Variants in NALCN observed in about 807,000 individuals in gnomAD.
NALCN encodes sodium leak channel, non-selective.
In NALCN, 111 loss-of-function variants were observed where a neutral mutation model predicts 225.3. The observed-to-expected ratio is 0.49, with a 90% CI of 0.42 to 0.58. NALCN has a LOEUF of 0.58. Ranked by LOEUF, NALCN falls within the 20% of genes least tolerant of loss-of-function variation. The pLI, the probability that NALCN is intolerant of heterozygous loss-of-function variation, is 0.00. For synonymous variants in NALCN, 764 were observed against 769.0 expected (o/e 0.99, Z 0.11); for missense variants, 1,378 against 2,202.4 (o/e 0.63, Z 7.49).
intron 7 of NALCN, among the ~76,000 whole-genome samples, chr13:101,331,708 C>T (rs894305564): frequency 2.6e-5 from 4 of 152,240 alleles, no homozygotes; most frequent in Middle Eastern, 3.4e-3. Context: ...CCCAGGCATC[C>T]GGGGATGCCT....
At chr13:101,163,155 G>A (rs4771387) in intron 15 of NALCN, among the ~76,000 whole-genome samples, 11,159 of 152,042 alleles carry the variant, frequency 0.073, 499 homozygotes, top group East Asian at 0.19. Context: ...CACCTGCCTC[G>A]GCTTCCCAAA....
chr13:101,333,096 A>T (rs1407986311), intron 7 of NALCN, among the ~76,000 whole-genome samples: 1 of 152,220 alleles, frequency 6.6e-6, no homozygotes, highest in Non-Finnish European at 1.5e-5. Flanking sequence ...ATTATTTATG[A>T]GTACATCTCA....
chr13:101,398,909 T>A lies in NALCN; in HGVS notation c.108+110A>T. 7.5e-6 allele frequency: 5 copies of A among 668,568 alleles called. 1 individual carries two copies. In the South Asian group the frequency reaches 8.6e-5, roughly 11 times the overall value. The allele number at this position is 668,568 out of a possible 1,614,324, so 41.4% of individuals were successfully genotyped here. ...TCCAGACTCTGAACCTCATCCATAT[T>A]CTACTGCAGCTCAGATATTTCGAAG... On this transcript the variant is annotated intron_variant, in intron 2 of 43. Transcript: ENST00000251127.
intron 7 of NALCN, among the ~76,000 whole-genome samples, chr13:101,307,489 G>A (rs1162453141): frequency 6.6e-6 from 1 of 152,200 alleles, no homozygotes; most frequent in Non-Finnish European, 1.5e-5. Flanking sequence ...CAGAGTGGAT[G>A]TCTGGAGCGG....
intron 6 of NALCN, among the ~76,000 whole-genome samples, chr13:101,348,170 C>CA (rs1234946078): frequency 3.3e-5 from 5 of 151,866 alleles, no homozygotes; most frequent in African/African-American, 1.2e-4. Flanking sequence ...AAAAAGTTTC[C>CA]AAAAAAATCA....
chr13:101,120,606 C>T (rs1174220943), intron 18 of NALCN, among the ~76,000 whole-genome samples: 1 of 151,366 alleles, frequency 6.6e-6, no homozygotes, highest in Non-Finnish European at 1.5e-5. Flanking sequence ...CTGAAAGGCA[C>T]AAAAGAAAAA....
At chr13:101,061,239 G>C (rs1426646773) in intron 41 of NALCN, among the ~76,000 whole-genome samples, 2 of 152,124 alleles carry the variant, frequency 1.3e-5, no homozygotes, top group Non-Finnish European at 2.9e-5. Context: ...TTGAGAGGTG[G>C]TCTTTTCAGA....
intron 34 of NALCN, among the ~76,000 whole-genome samples, chr13:101,080,199 G>A (rs919284328): frequency 4.6e-5 from 7 of 152,126 alleles, no homozygotes; most frequent in Non-Finnish European, 5.9e-5. Flanking sequence ...GTCAAGGCTG[G>A]AAAATGGTGG....
chr13:101,188,986 C>T (rs889140927), intron 14 of NALCN, among the ~76,000 whole-genome samples: 4 of 152,076 alleles, frequency 2.6e-5, no homozygotes, highest in Non-Finnish European at 5.9e-5. Context: ...CCGTGCTGGC[C>T]ATAAATACTA....
intron 10 of NALCN, among the ~76,000 whole-genome samples, chr13:101,268,175 T>A (rs574995388): frequency 1.3e-5 from 2 of 152,312 alleles, no homozygotes; most frequent in Admixed American, 1.3e-4. Context: ...GTATGACATG[T>A]ATGTATGTAT....
intron 1 of NALCN, among the ~76,000 whole-genome samples, chr13:101,401,500 A>G (rs767327181): frequency 6.6e-6 from 1 of 152,208 alleles, no homozygotes; most frequent in Non-Finnish European, 1.5e-5. Context: ...ATCTGTCCAC[A>G]ATTCCTCTTT....
At chr13:101,386,673 TTG>T (rs2046995131) in intron 3 of NALCN, among the ~76,000 whole-genome samples, 1 of 152,126 alleles carries the variant, frequency 6.6e-6, no homozygotes, top group African/African-American at 2.4e-5. Context: ...AGCCACAGCT[TTG>T]ACACGTTTGT....
intron 13 of NALCN, among the ~76,000 whole-genome samples, chr13:101,221,839 C>T (rs544826919): frequency 3.3e-5 from 5 of 152,258 alleles, no homozygotes; most frequent in Middle Eastern, 3.4e-3. Flanking sequence ...TTTCCTAAAA[C>T]GAAAAGGGAC....
At chr13:101,245,637 C>T (rs922708601) in intron 11 of NALCN, among the ~76,000 whole-genome samples, 1 of 152,068 alleles carries the variant, frequency 6.6e-6, no homozygotes, top group African/African-American at 2.4e-5. Context: ...CATGCTCAAC[C>T]GATATACCTG....
Position 101,055,284 on chromosome 13 carries a change from T to C in NALCN, c.*11A>G. On this transcript the variant is annotated 3_prime_UTR_variant, in exon 44 of 44. Transcript: ENST00000251127. ...TTCCACCACTAGAAATTCATCTACA[T>C]TGACATCCACCTAAATATCCAGAAG... 1 of 1,607,138 alleles carries C rather than the reference T, an allele frequency of 6.2e-7. No homozygotes were observed. Among genetic ancestry groups the C allele is most frequent in the Non-Finnish European group, 8.5e-7 (1 of 1,175,130 alleles).
intron 12 of NALCN, among the ~76,000 whole-genome samples, chr13:101,236,185 G>A (rs987862073): frequency 1.2e-4 from 19 of 152,306 alleles, no homozygotes; most frequent in African/African-American, 4.3e-4. Flanking sequence ...CTGGCCATCA[G>A]AGAAACGCAA....
In NALCN at chr13:101,343,514, C is replaced by T. The variant is rs141676710; in HGVS notation, c.799+1752G>A. Among the ~76,000 whole-genome samples, 658 of 152,296 alleles carry T rather than the reference C, an allele frequency of 4.3e-3. 3 individuals carry two copies. Among genetic ancestry groups the T allele is most frequent in the African/African-American group, 0.014 (581 of 41,562 alleles). ...GTTACCAATGAATTAAAAAGACATA[C>T]GCTTTGTTGAGCCTATTAGTAAATA... On this transcript the variant is annotated intron_variant, in intron 7 of 43. Coordinates refer to ENST00000251127, the MANE Select transcript of NALCN (RefSeq NM_052867.4).
At chr13:101,360,112 T>G (rs1357231369) in intron 6 of NALCN, among the ~76,000 whole-genome samples, 1 of 121,860 alleles carries the variant, frequency 8.2e-6, no homozygotes, top group African/African-American at 3.0e-5. Context: ...CTCTTTCTCT[T>G]TTTCTTTCCT....
chr13:101,276,719 A>C (rs544522756), intron 10 of NALCN, among the ~76,000 whole-genome samples: 16 of 152,156 alleles, frequency 1.1e-4, no homozygotes, highest in Non-Finnish European at 2.4e-4. Flanking sequence ...AATAGAGCCT[A>C]TTTTTTCTGT....
Sources: allele counts gnomAD v4.1 joint callset (sites outside exome capture counted in the v4.1 genomes callset), GRCh38; gene constraint gnomAD v4.1.1; transcripts MANE v1.5; gene names NCBI Gene and HGNC (gene_info 2026-07-23, HGNC 2026-07-21).